The following AHNAK variants were observed in gnomAD, a reference collection of about 807,000 sequenced individuals.
AHNAK encodes AHNAK nucleoprotein.
A neutral mutation model predicts 37.8 loss-of-function variants in AHNAK; 23 were observed. The observed-to-expected ratio is 0.61, with a 90% CI of 0.44 to 0.86. The LOEUF is 0.86. AHNAK is among the 40% of genes least tolerant of loss of function. The pLI is 0.00. For synonymous variants in AHNAK, 2,481 were observed against 2,636.3 expected (o/e 0.94, Z 1.80); for missense variants, 7,411 against 7,319.4 (o/e 1.01, Z -0.46).
intron 5 of AHNAK, among the ~76,000 whole-genome samples, chr11:62,439,663 TGA>T (rs1938259620): frequency 7.6e-6 from 1 of 131,532 alleles, no homozygotes; most frequent in Admixed American, 9.4e-5. Context: ...GATTTTTGTG[TGA>T]TTTTTTTTTT....
Position 62,521,555 on chromosome 11 carries a change from C to T in AHNAK, c.12862G>A (p.Gly4288Ser). ...SLPKVEGDLK[G>S]PEVDIKGPKV... ...GGGCCCTTGATGTCAACTTCTGGGCCCTTGAGGTCACCTTCCACTTTAGGA... is the reference window on the plus strand; with the variant it reads ...GGGCCCTTGATGTCAACTTCTGGGCTCTTGAGGTCACCTTCCACTTTAGGA... Residue 4288 changes from glycine (G) to serine (S), a missense_variant, in exon 5 of 5, where the codon GGC becomes AGC. Gly to Ser is a moderately conservative substitution (Grantham distance 56, BLOSUM62 0). Transcript: ENST00000378024. 1 of 1,612,682 alleles carries T rather than the reference C, an allele frequency of 6.2e-7. No homozygotes were observed. Among genetic ancestry groups the T allele is most frequent in the African/African-American group, 1.3e-5 (1 of 74,474 alleles).
intron 4 of AHNAK, among the ~76,000 whole-genome samples, chr11:62,507,122 GTTA>G (rs1333200004): frequency 6.6e-6 from 1 of 151,832 alleles, no homozygotes; most frequent in African/African-American, 2.4e-5. Flanking sequence ...GTTATACACT[GTTA>G]TTAACAGTCT....
intron 4 of AHNAK, among the ~76,000 whole-genome samples, chr11:62,496,919 G>A (rs1265310628): frequency 6.6e-6 from 1 of 152,048 alleles, no homozygotes; most frequent in Admixed American, 6.6e-5. Context: ...AGAAAACAGA[G>A]GTTGAGAAAA....
In AHNAK at chr11:62,531,341, T is replaced by C; in HGVS notation, c.3076A>G (p.Asn1026Asp). The C allele has an allele frequency of 6.2e-7, 1 of 1,612,196 alleles. No individual in the cohort carries two copies. Among genetic ancestry groups the C allele is most frequent in the Non-Finnish European group, 8.5e-7 (1 of 1,179,440 alleles). Residue 1026 changes from asparagine (N) to aspartate (D), a missense_variant, in exon 5 of 5, where the codon AAT (asparagine) becomes GAT (aspartate). Asn to Asp is a conservative substitution (Grantham distance 23). Transcript: ENST00000378024. The stretch of plus-strand genomic sequence containing the variant: ...ACTTTTGGTGCAGAAATGTCCACAT[T>C]CGCTTTGGACAGGTTCACATCAAAT... ...PEFDVNLSKA[N>D]VDISAPKVDT...
intron 4 of AHNAK, among the ~76,000 whole-genome samples, chr11:62,500,420 G>T (rs755708717): frequency 6.6e-6 from 1 of 152,274 alleles, no homozygotes; most frequent in African/African-American, 2.4e-5. Context: ...GTGCTAGAAG[G>T]CTGGGGTAAT....
chr11:62,449,116 C>T (rs1938479873), intron 5 of AHNAK, among the ~76,000 whole-genome samples: 1 of 152,130 alleles, frequency 6.6e-6, no homozygotes, highest in South Asian at 2.1e-4. Context: ...TAAGGCTCAC[C>T]ACGCAGAGCC....
intron 5 of AHNAK, among the ~76,000 whole-genome samples, chr11:62,434,877 G>A (rs1407082667): frequency 7.2e-6 from 1 of 138,414 alleles, no homozygotes; most frequent in Non-Finnish European, 1.5e-5. Flanking sequence ...GTTGCACAGT[G>A]ATCCAAGATC....
downstream of AHNAK, among the ~76,000 whole-genome samples, chr11:62,512,872 G>A (rs187926167): frequency 8.5e-4 from 125 of 146,504 alleles, 1 homozygote; most frequent in East Asian, 0.013. The surrounding 1 kb of genome is among the most constrained non-coding windows in gnomAD (Gnocchi z 4.0). Flanking sequence ...GGAAGGAAGG[G>A]AGGGAGGGAG....
At chr11:62,496,954 T>G (rs1045813535) in intron 4 of AHNAK, among the ~76,000 whole-genome samples, 3 of 151,438 alleles carry the variant, frequency 2.0e-5, no homozygotes, top group Admixed American at 6.6e-5. Context: ...GACATTAAGG[T>G]GTGGGTGGGA....
At chr11:62,542,308 C>G (rs894221084) in intron 1 of AHNAK, among the ~76,000 whole-genome samples, 5 of 152,136 alleles carry the variant, frequency 3.3e-5, no homozygotes, top group Admixed American at 1.3e-4. Flanking sequence ...TGAGCCTGCA[C>G]CTCCCCTTGT....
rs866471206 is a variant in AHNAK, at chr11:62,516,493, T to C, written c.*251A>G. The C allele has an allele frequency of 2.2e-6, 3 of 1,359,286 alleles. No individual in the cohort carries two copies. The highest frequency in any genetic ancestry group is 2.8e-6 in the Non-Finnish European group (3 of 1,056,802). 84.2% of individuals were successfully genotyped at this position (1,359,286 alleles called of 1,614,324 possible). Reference sequence around the variant, plus strand: ...CAGTCAATGCAAAAAAATATATATATATGAAATCTTAAGGCAAATACTGTT... The same window carrying C: ...CAGTCAATGCAAAAAAATATATATACATGAAATCTTAAGGCAAATACTGTT... On this transcript the variant is annotated 3_prime_UTR_variant, in exon 5 of 5. Coordinates refer to ENST00000378024, the MANE Select transcript of AHNAK (RefSeq NM_001620.3).
At position 62,519,701 on chromosome 11, in the gene AHNAK, T is replaced by A; in HGVS notation, c.14716A>T (p.Met4906Leu). Reference protein sequence around the residue: ...DAKLSGPSLKMPSLEISAPKV... With the variant: ...DAKLSGPSLKLPSLEISAPKV... Reference sequence around the variant, plus strand: ...GGAGCAGATATCTCCAGCGATGGCATCTTCAAAGATGGGCCACTGAGTTTG... The same window carrying A: ...GGAGCAGATATCTCCAGCGATGGCAACTTCAAAGATGGGCCACTGAGTTTG... Residue 4906 changes from methionine (M) to leucine (L), a missense_variant, in exon 5 of 5, where the codon ATG becomes TTG. Met to Leu is a conservative substitution (Grantham distance 15, BLOSUM62 2). Coordinates refer to ENST00000378024, the MANE Select transcript of AHNAK (RefSeq NM_001620.3). 6.2e-7 allele frequency: 1 copy of A among 1,613,992 alleles called. No individual in the cohort carries two copies. The highest frequency in any genetic ancestry group is 8.5e-7 in the Non-Finnish European group (1 of 1,179,988).
chr11:62,500,657 C>T (rs190632961), intron 4 of AHNAK, among the ~76,000 whole-genome samples: 59 of 152,274 alleles, frequency 3.9e-4, no homozygotes, highest in Non-Finnish European at 6.8e-4. Flanking sequence ...AGCTATAGAA[C>T]CGCCTCAACA....
intron 1 of AHNAK, among the ~76,000 whole-genome samples, chr11:62,542,942 C>G (rs1941180261): frequency 1.3e-5 from 2 of 152,172 alleles, no homozygotes; most frequent in Admixed American, 1.3e-4. Flanking sequence ...CTCCCCCCAG[C>G]GGTCGGACCA....
intron 5 of AHNAK, among the ~76,000 whole-genome samples, chr11:62,483,858 C>CAA (rs1173299582): frequency 7.7e-5 from 6 of 77,872 alleles, no homozygotes; most frequent in Admixed American, 3.1e-4. Flanking sequence ...GACTCCATCT[C>CAA]AAAAAAAAAA....
chr11:62,452,604 C>G (rs1938564626), intron 5 of AHNAK, among the ~76,000 whole-genome samples: 1 of 152,162 alleles, frequency 6.6e-6, no homozygotes, highest in Non-Finnish European at 1.5e-5. Flanking sequence ...TTATCTTGGC[C>G]TTTATCTAAG....
downstream of AHNAK, among the ~76,000 whole-genome samples, chr11:62,513,063 A>G (rs1372740731): frequency 6.6e-6 from 1 of 152,196 alleles, no homozygotes; most frequent in Non-Finnish European, 1.5e-5. Context: ...ACACACAGTC[A>G]CACTGCCTAA....
chr11:62,518,180 T>G lies in AHNAK; in HGVS notation c.16237A>C (p.Ile5413Leu), dbSNP rs758253670. 1 of 1,614,156 alleles carries G rather than the reference T, an allele frequency of 6.2e-7. No individual in the cohort carries two copies. The highest frequency in any genetic ancestry group is 1.1e-5 in the South Asian group (1 of 91,080). Reference protein sequence around the residue: ...LPKMKLPQFGISTPGSDLHVN... With the variant: ...LPKMKLPQFGLSTPGSDLHVN... ...TGCAAGTCGGACCCCGGAGTAGAGATGCCAAATTGGGGCAGCTTCATTTTG... is the reference window on the plus strand; with the variant it reads ...TGCAAGTCGGACCCCGGAGTAGAGAGGCCAAATTGGGGCAGCTTCATTTTG... Residue 5413 changes from isoleucine (I) to leucine (L), a missense_variant, in exon 5 of 5, where the codon ATC becomes CTC. Physicochemically the swap from Ile to Leu is conservative, Grantham distance 5 (BLOSUM62 2). Coordinates refer to ENST00000378024, the MANE Select transcript of AHNAK (RefSeq NM_001620.3).
downstream of AHNAK, among the ~76,000 whole-genome samples, chr11:62,512,005 C>T (rs142158697): frequency 3.1e-3 from 471 of 152,232 alleles, 2 homozygotes; most frequent in African/African-American, 0.011. This position sits in a 1 kb window ranked among gnomAD's most constrained non-coding sequence, Gnocchi z 4.0. Context: ...CGCACCACCA[C>T]GCCCAGCTAA....
Sources: allele counts gnomAD v4.1 joint callset (sites outside exome capture counted in the v4.1 genomes callset), GRCh38; gene constraint gnomAD v4.1.1; non-coding constraint Gnocchi (gnomAD v3.1); transcripts MANE v1.5; gene names NCBI Gene and HGNC (gene_info 2026-07-23, HGNC 2026-07-21).